LRP1B: variants seen among roughly 807,000 people sequenced by gnomAD.
LRP1B encodes the protein low-density lipoprotein receptor-related protein 1B.
In LRP1B, 217 loss-of-function variants were observed where a neutral mutation model predicts 556.6. The observed-to-expected ratio is 0.39, with a 90% CI of 0.35 to 0.44. LRP1B has a LOEUF of 0.44. LRP1B is among the 20% of genes least tolerant of loss of function. The pLI is 1.00. For missense variants in LRP1B, 5,053 were observed against 5,620.8 expected (o/e 0.90, Z 3.23); for synonymous variants, 2,047 against 1,865.8 (o/e 1.10, Z -2.50).
At chr2:141,706,902 C>A (rs2105471231) in intron 2 of LRP1B, among the ~76,000 whole-genome samples, 1 of 152,104 alleles carries the variant, frequency 6.6e-6, no homozygotes, top group Admixed American at 6.6e-5. Context: ...TTTCTAATTT[C>A]TATCTTAGGC....
chr2:140,701,671 G>A (rs761696321), intron 40 of LRP1B, 50 bp downstream of exon 40: 15 of 1,531,710 alleles, frequency 9.8e-6, no homozygotes, highest in East Asian at 2.3e-5. Context: ...AAAAATTGGA[G>A]AGAAATCACA....
intron 1 of LRP1B, among the ~76,000 whole-genome samples, chr2:142,024,988 A>T (rs1477606845): frequency 1.3e-5 from 2 of 152,214 alleles, no homozygotes; most frequent in African/African-American, 4.8e-5. Flanking sequence ...CTAAAAAATT[A>T]GTAGTTTAAT....
chr2:141,320,385 A>C (rs1687192498), intron 3 of LRP1B, among the ~76,000 whole-genome samples: 2 of 152,076 alleles, frequency 1.3e-5, no homozygotes, highest in East Asian at 3.9e-4. Context: ...ATAACACAGA[A>C]TATTTAGGGA....
intron 1 of LRP1B, among the ~76,000 whole-genome samples, chr2:142,068,245 C>A (rs551740313): frequency 7.4e-5 from 11 of 149,464 alleles, no homozygotes; most frequent in African/African-American, 2.7e-4. Flanking sequence ...ATGGAGTTAA[C>A]TGCCACTTAC....
At chr2:141,267,103 A>G (rs1684917945) in intron 3 of LRP1B, among the ~76,000 whole-genome samples, 1 of 152,188 alleles carries the variant, frequency 6.6e-6, no homozygotes, top group African/African-American at 2.4e-5. Flanking sequence ...CACATTATAA[A>G]CACCTTCTGT....
chr2:140,830,932 G>A (rs1691692538), intron 31 of LRP1B, among the ~76,000 whole-genome samples: 1 of 151,912 alleles, frequency 6.6e-6, no homozygotes, highest in African/African-American at 2.4e-5. Flanking sequence ...CTGAAAAAGA[G>A]ATTAAGAAAC....
intron 3 of LRP1B, among the ~76,000 whole-genome samples, chr2:141,393,395 C>T (rs1690126253): frequency 6.6e-6 from 1 of 152,176 alleles, no homozygotes; most frequent in Non-Finnish European, 1.5e-5. Context: ...TTTCTCTTAG[C>T]TTCCCCTGCT....
intron 2 of LRP1B, among the ~76,000 whole-genome samples, chr2:141,492,126 A>AAT (rs757308283): frequency 1.4e-4 from 20 of 145,458 alleles, no homozygotes; most frequent in Non-Finnish European, 1.9e-4. Flanking sequence ...ACTAAGTATA[A>AAT]AAGAAACCCA....
intron 3 of LRP1B, among the ~76,000 whole-genome samples, chr2:141,469,072 T>C (rs1237832817): frequency 1.3e-5 from 2 of 152,224 alleles, no homozygotes; most frequent in Non-Finnish European, 2.9e-5. Context: ...AATGGAAAGC[T>C]AGAACACAAA....
intron 12 of LRP1B, among the ~76,000 whole-genome samples, chr2:141,016,906 A>C (rs1697916191): frequency 6.6e-6 from 1 of 152,132 alleles, no homozygotes; most frequent in African/African-American, 2.4e-5. Context: ...TGCATTTGGA[A>C]AAAGTCTGTC....
intron 87 of LRP1B, among the ~76,000 whole-genome samples, chr2:140,242,091 A>T (rs1646065822): frequency 6.6e-6 from 1 of 151,094 alleles, no homozygotes; most frequent in African/African-American, 2.4e-5. Context: ...CTAGTACAGC[A>T]TAGCAGTTGA....
intron 84 of LRP1B, among the ~76,000 whole-genome samples, chr2:140,284,899 T>TCTATATACCTACCTATAA (rs1172197012): frequency 9.7e-6 from 1 of 102,890 alleles, no homozygotes; most frequent in African/African-American, 2.6e-5. Flanking sequence ...TATATGGATA[T>TCTATATACCTACCTATAA]CTATATACCT....
Position 140,850,252 on chromosome 2 carries a change from T to C in LRP1B, c.4789A>G (p.Ile1597Val). 6.2e-7 allele frequency: 1 copy of C among 1,613,766 alleles called. No individual in the cohort carries two copies. The highest frequency in any genetic ancestry group is 8.5e-7 in the Non-Finnish European group (1 of 1,179,740). The stretch of plus-strand genomic sequence containing the variant: ...ATATCAGGGACTGTAAATGCCGTGA[T>C]GAAGTTAAAGTATGGATTGTCAATA... ...VDIDNPYFNF[I>V]TAFTVPDIDD... Residue 1597 changes from isoleucine (I) to valine (V), a missense_variant, in exon 29 of 91, where the codon ATC becomes GTC. By Grantham distance (29) the Ile-to-Val change is conservative. This residue lies in a region of LRP1B where 3,619 missense variants were observed against 3,931.9 expected (regional missense o/e 0.92). Transcript: ENST00000389484.
chr2:141,397,285 C>A (rs1690277218), intron 3 of LRP1B, among the ~76,000 whole-genome samples: 1 of 151,236 alleles, frequency 6.6e-6, no homozygotes, highest in African/African-American at 2.4e-5. Flanking sequence ...ACTTTTCTTC[C>A]TTCTTTCGTA....
chr2:141,519,835 G>T (rs1684470041), intron 2 of LRP1B, among the ~76,000 whole-genome samples: 1 of 152,108 alleles, frequency 6.6e-6, no homozygotes, highest in South Asian at 2.1e-4. Context: ...AAAGAAATAG[G>T]ATCAGCAGTG....
intron 60 of LRP1B, among the ~76,000 whole-genome samples, chr2:140,472,360 A>G (rs1372349718): frequency 6.6e-6 from 1 of 152,138 alleles, no homozygotes; most frequent in African/African-American, 2.4e-5. Context: ...CTGTATCATT[A>G]TATTATTAAT....
At chr2:141,039,411 T>A (rs1454676446) in intron 11 of LRP1B, among the ~76,000 whole-genome samples, 2 of 152,060 alleles carry the variant, frequency 1.3e-5, no homozygotes, top group African/African-American at 4.8e-5. Flanking sequence ...AGAAAAAACA[T>A]GGTGTATATA....
At chr2:140,723,516 C>T (rs1210396932) in intron 35 of LRP1B, among the ~76,000 whole-genome samples, 1 of 146,370 alleles carries the variant, frequency 6.8e-6, no homozygotes, top group Non-Finnish European at 1.5e-5. Flanking sequence ...CACATTTCTC[C>T]GTTTTTATCA....
intron 79 of LRP1B, among the ~76,000 whole-genome samples, chr2:140,327,421 T>C (rs1018103632): frequency 1.3e-5 from 2 of 152,126 alleles, no homozygotes; most frequent in African/African-American, 4.8e-5. Context: ...CAAGTGGTCA[T>C]TGTTTTACTG....
Sources: allele counts gnomAD v4.1 joint callset (sites outside exome capture counted in the v4.1 genomes callset), GRCh38; gene constraint gnomAD v4.1.1; regional missense constraint gnomAD v4.1.1; transcripts MANE v1.5; gene names NCBI Gene and HGNC (gene_info 2026-07-23, HGNC 2026-07-21).